Variants in ELAVL4 observed in about 807,000 individuals in gnomAD.
The protein encoded by ELAVL4 is ELAV like RNA binding protein 4, also known as ELAV-like protein 4.
Under a neutral mutation model 35.6 loss-of-function variants are expected in ELAVL4, and 1 was observed. The ratio of observed to expected loss-of-function variants is 0.03; its 90% confidence interval spans 0.01 to 0.13. The LOEUF (loss-of-function observed/expected upper bound fraction) is 0.13. ELAVL4 is among the 10% of genes least tolerant of loss of function. The pLI, the probability that ELAVL4 is intolerant of heterozygous loss-of-function variation, is 1.00. For synonymous variants in ELAVL4, 156 were observed against 171.0 expected (o/e 0.91, Z 0.69); for missense variants, 267 against 464.9 (o/e 0.57, Z 3.91).
Position 50,201,136 on chromosome 1 carries a change from G to T in ELAVL4, c.1059G>T (p.Val353=). ...SLNGYRLGDR[V]LQVSFKTNKA... ...ACGGGTACCGCCTGGGAGACAGAGTGTTGCAAGTTTCCTTTAAAACCAACA... is the reference window on the plus strand; with the variant it reads ...ACGGGTACCGCCTGGGAGACAGAGTTTTGCAAGTTTCCTTTAAAACCAACA... Residue 353 remains valine, a synonymous_variant, in exon 7 of 7, where the codon GTG becomes GTT. Transcript: ENST00000371824. The surrounding 1 kb of genome is among the most constrained non-coding windows in gnomAD (Gnocchi z 4.3). 1 of 1,607,094 alleles carries T rather than the reference G, an allele frequency of 6.2e-7. No individual in the cohort carries two copies. The highest frequency in any genetic ancestry group is 8.5e-7 in the Non-Finnish European group (1 of 1,176,446).
upstream of ELAVL4, among the ~76,000 whole-genome samples, chr1:50,100,559 T>C (rs532368837): frequency 6.6e-6 from 1 of 152,312 alleles, no homozygotes; most frequent in South Asian, 2.1e-4. Flanking sequence ...TCACTCCAGA[T>C]CTCATCCTCA....
At chr1:50,146,004 A>G (rs1388632688) in intron 2 of ELAVL4, among the ~76,000 whole-genome samples, 1 of 152,224 alleles carries the variant, frequency 6.6e-6, no homozygotes, top group Non-Finnish European at 1.5e-5. Context: ...GGAATATATT[A>G]GGCTACATAA....
chr1:50,053,495 C>A (rs1218239635), intron 1 of ELAVL4, among the ~76,000 whole-genome samples: 4 of 152,076 alleles, frequency 2.6e-5, no homozygotes, highest in Non-Finnish European at 5.9e-5. Flanking sequence ...ACTACAGGTT[C>A]ACGCCACCAA....
upstream of ELAVL4, among the ~76,000 whole-genome samples, chr1:50,101,108 C>T (rs1434280381): frequency 6.6e-6 from 1 of 152,018 alleles, no homozygotes; most frequent in Non-Finnish European, 1.5e-5. Flanking sequence ...TGTTCAGCCA[C>T]CCCTAGTTGA....
intron 4 of ELAVL4, among the ~76,000 whole-genome samples, chr1:50,194,337 A>T (rs890746711): frequency 6.6e-6 from 1 of 152,192 alleles, no homozygotes; most frequent in African/African-American, 2.4e-5. Flanking sequence ...ACACTTGAGG[A>T]AACAGGTTGA....
chr1:50,128,372 A>C (rs749027618), intron 1 of ELAVL4, among the ~76,000 whole-genome samples: 1 of 152,158 alleles, frequency 6.6e-6, no homozygotes, highest in Non-Finnish European at 1.5e-5. Context: ...TGGTGAGAGC[A>C]AAGTGGTGAT....
chr1:50,103,890 G>A, upstream of ELAVL4: 2 of 1,607,668 alleles, frequency 1.2e-6, no homozygotes, highest in Non-Finnish European at 1.7e-6. Context: ...CGGAGGGACT[G>A]GTGTGAAGAG....
chr1:50,154,606 A>C (rs1429656915), intron 2 of ELAVL4, among the ~76,000 whole-genome samples: 1 of 152,212 alleles, frequency 6.6e-6, no homozygotes, highest in Non-Finnish European at 1.5e-5. Flanking sequence ...TACACTTAGC[A>C]ATCCCTGATA....
intron 5 of ELAVL4, among the ~76,000 whole-genome samples, chr1:50,196,347 C>T (rs1415446377): frequency 6.6e-6 from 1 of 152,142 alleles, no homozygotes; most frequent in Non-Finnish European, 1.5e-5. Context: ...CCTTCAAGTA[C>T]CCAACCCCCA....
chr1:50,159,054 A>AAAAG (rs1557803067), intron 2 of ELAVL4, among the ~76,000 whole-genome samples: 11 of 150,034 alleles, frequency 7.3e-5, no homozygotes, highest in Non-Finnish European at 1.0e-4. Flanking sequence ...AAAAAAAAAA[A>AAAAG]AAAGAAAGAA....
At chr1:50,194,066 G>A (rs1485746816) in intron 4 of ELAVL4, 148 bp downstream of exon 4, 29 of 1,065,378 alleles carry the variant, frequency 2.7e-5, no homozygotes, top group Admixed American at 6.0e-5. Context: ...ACTTCTTATC[G>A]GTCAACTGCC....
intron 1 of ELAVL4, among the ~76,000 whole-genome samples, chr1:50,048,336 T>A (rs962261115): frequency 3.9e-5 from 6 of 152,108 alleles, no homozygotes; most frequent in Non-Finnish European, 5.9e-5. Flanking sequence ...TGCAAGAGGA[T>A]CCTGCCCCCG....
chr1:50,069,026 G>A (rs1349218100), intron 1 of ELAVL4, among the ~76,000 whole-genome samples: 3 of 152,176 alleles, frequency 2.0e-5, no homozygotes, highest in Non-Finnish European at 2.9e-5. Context: ...GATTTCACAG[G>A]TAGTAATCAC....
intron 1 of ELAVL4, among the ~76,000 whole-genome samples, chr1:50,077,780 C>T (rs1174800767): frequency 1.3e-5 from 2 of 152,148 alleles, no homozygotes; most frequent in African/African-American, 2.4e-5. Context: ...TAATTTTATC[C>T]AGTGCTTCCC....
chr1:50,140,832 C>A (rs1672700699), intron 1 of ELAVL4, among the ~76,000 whole-genome samples: 1 of 150,948 alleles, frequency 6.6e-6, no homozygotes, highest in African/African-American at 2.4e-5. Flanking sequence ...GCTCCATCTA[C>A]ATTGGATGAG....
At chr1:50,140,020 A>G (rs1672554559) in intron 1 of ELAVL4, among the ~76,000 whole-genome samples, 1 of 152,238 alleles carries the variant, frequency 6.6e-6, no homozygotes, top group Non-Finnish European at 1.5e-5. Context: ...CTTAAAATAT[A>G]TCACAGAAAC....
At position 50,049,589 on chromosome 1, in the gene ELAVL4, T is replaced by G. The variant is rs369962387; in HGVS notation, c.18+1407T>G. Among the ~76,000 whole-genome samples, 5 of 152,294 alleles carry G rather than the reference T, an allele frequency of 3.3e-5. No individual in the cohort carries two copies. In the East Asian group the frequency reaches 9.7e-4, roughly 29 times the overall value. On this transcript the variant is annotated intron_variant, in intron 1 of 6. Transcript: ENST00000448907. ...ACTTGCTTCCTTAATAAAGTGACAG[T>G]ACAATGCTGCGCGGCACCTCTCCTT...
intron 2 of ELAVL4, chr1:50,175,757 A>G (rs984524478): frequency 6.6e-6 from 1 of 152,204 alleles, no homozygotes; most frequent in Admixed American, 6.5e-5. Context: ...ACCAACACAA[A>G]CACAGACATT....
Position 50,109,095 on chromosome 1 carries a change from A to G in ELAVL4, c.-95A>G. 1.5e-6 allele frequency: 2 copies of G among 1,316,076 alleles called. No individual in the cohort carries two copies. Among genetic ancestry groups the G allele is most frequent in the Non-Finnish European group, 2.0e-6 (2 of 1,023,506 alleles). 81.5% of individuals were successfully genotyped at this position (1,316,076 alleles called of 1,614,324 possible). On this transcript the variant is annotated 5_prime_UTR_variant, in exon 1 of 7. In the 5' UTR this introduces an upstream ATG that the reference lacks. Transcript: ENST00000371824. ...GTTTTGTGGATCTTTAATTATATAT[A>G]ACAATAGTAGTCATTTTAAATATAT...
Sources: gnomAD v4.1 joint callset for allele counts (sites outside exome capture counted in the v4.1 genomes callset) on GRCh38, gnomAD v4.1.1 for gene constraint, Gnocchi (gnomAD v3.1) non-coding constraint, MANE v1.5 for transcripts, NCBI Gene and HGNC (gene_info 2026-07-23, HGNC 2026-07-21) for gene names.